Variants in FBXO32 observed in about 807,000 individuals in gnomAD.
FBXO32 encodes the protein F-box protein 32.
FBXO32 carries 15 observed loss-of-function variants against 48.3 expected under a neutral mutation model. The ratio of observed to expected loss-of-function variants is 0.31; its 90% CI spans 0.21 to 0.48. The LOEUF (loss-of-function observed/expected upper bound fraction) is 0.48, where lower values mean the gene tolerates loss of function less well. Ranked by LOEUF, FBXO32 falls within the 20% of genes least tolerant of loss-of-function variation. FBXO32 has a pLI of 0.99. For missense variants in FBXO32, 309 were observed against 432.7 expected (o/e 0.71, Z 2.54); for synonymous variants, 154 against 165.9 (o/e 0.93, Z 0.55).
At position 123,513,439 on chromosome 8, in the gene FBXO32, T is replaced by C; in HGVS notation, c.467-57A>G. On this transcript the variant is annotated intron_variant, in intron 5 of 8. Transcript: ENST00000517956. The surrounding 1 kb of genome is among the most constrained non-coding windows in gnomAD (Gnocchi z 4.3). Reference sequence around the variant, plus strand: ...TATGATACTGGAACACCCTGTATTTTACACATGAGCTTGTCTCTGTCTGTA... The same window carrying C: ...TATGATACTGGAACACCCTGTATTTCACACATGAGCTTGTCTCTGTCTGTA... 1 of 1,418,792 alleles carries C rather than the reference T, an allele frequency of 7.0e-7. No individual in the cohort carries two copies. Among genetic ancestry groups the C allele is most frequent in the Non-Finnish European group, 9.8e-7 (1 of 1,024,944 alleles). 87.9% of individuals were successfully genotyped at this position (1,418,792 alleles called of 1,614,324 possible).
At chr8:123,522,779 C>G (rs754773657) in intron 4 of FBXO32, among the ~76,000 whole-genome samples, 1 of 152,172 alleles carries the variant, frequency 6.6e-6, no homozygotes, top group Non-Finnish European at 1.5e-5. Flanking sequence ...CTGGCCAAAT[C>G]CTGGCCGTCC....
intron 4 of FBXO32, among the ~76,000 whole-genome samples, chr8:123,524,990 A>C (rs1248307773): frequency 6.6e-6 from 1 of 152,252 alleles, no homozygotes; most frequent in African/African-American, 2.4e-5. Context: ...ATCCAAGGTC[A>C]CTGTGGCAGA....
rs1470334544 is a variant in FBXO32, at chr8:123,501,340, T to C, written c.*2033A>G. On this transcript the variant is annotated 3_prime_UTR_variant, in exon 9 of 9. Coordinates refer to ENST00000517956, the MANE Select transcript of FBXO32 (RefSeq NM_058229.4). ...TAGGTCCTGCATTCCCAATGTGAAA[T>C]TGGTTCAGGGGGAGAGGGATTGCAA... 1 of 146,374 alleles carries C rather than the reference T, an allele frequency of 6.8e-6. No individual in the cohort carries two copies. The highest frequency in any genetic ancestry group is 2.0e-4 in the East Asian group (1 of 5,028). 9.1% of individuals were successfully genotyped at this position (146,374 alleles called of 1,614,324 possible). A position where few individuals can be genotyped will look rare whatever the true frequency, so the allele number is the denominator to read the frequency against.
chr8:123,509,770 G>A (rs879852558), intron 6 of FBXO32, among the ~76,000 whole-genome samples: 56 of 152,152 alleles, frequency 3.7e-4, no homozygotes, highest in Non-Finnish European at 7.1e-4. Context: ...GTGGGTTCCA[G>A]TACAGCTCTC....
rs1037602883 is a variant in FBXO32, at chr8:123,513,134, G to C, written c.651+64C>G. ...ACAGGAGTGAATTCAAAGTCTTGGC[G>C]AGTCTGTCCAGTATCCCTGTGGAGG... On this transcript the variant is annotated intron_variant, in intron 6 of 8. Transcript: ENST00000517956. The surrounding 1 kb of genome is among the most constrained non-coding windows in gnomAD (Gnocchi z 4.3). 2 of 1,528,906 alleles carry C rather than the reference G, an allele frequency of 1.3e-6. No homozygotes were observed. Among genetic ancestry groups the C allele is most frequent in the Non-Finnish European group, 1.8e-6 (2 of 1,107,188 alleles). 94.7% of individuals were successfully genotyped at this position (1,528,906 alleles called of 1,614,324 possible). A position where few individuals can be genotyped will look rare whatever the true frequency, so the allele number is the denominator to read the frequency against.
rs1816443942 is a variant in FBXO32, at chr8:123,499,819, T to C, written c.*3554A>G. ...GTAGCAAGCTCCTCATGGGAAAGGG[T>C]ATGTGAATCCACAAAGACGAGAACT... is the stretch of plus-strand genomic sequence containing the variant. On this transcript the variant is annotated 3_prime_UTR_variant, in exon 9 of 9. Transcript: ENST00000517956. The C allele has an allele frequency of 6.6e-6, 1 of 152,080 alleles. No individual in the cohort carries two copies. The highest frequency in any genetic ancestry group is 2.4e-5 in the African/African-American group (1 of 41,390). 9.4% of individuals were successfully genotyped at this position (152,080 alleles called of 1,614,324 possible). A position where few individuals can be genotyped will look rare whatever the true frequency, so the allele number is the denominator to read the frequency against.
chr8:123,534,008 A>C (rs1431209001), intron 2 of FBXO32, among the ~76,000 whole-genome samples: 1 of 151,616 alleles, frequency 6.6e-6, no homozygotes, highest in Non-Finnish European at 1.5e-5. Context: ...CACGAGAATC[A>C]CTTAAACCCA....
intron 1 of FBXO32, among the ~76,000 whole-genome samples, chr8:123,535,466 G>A (rs1817291326): frequency 6.6e-6 from 1 of 152,192 alleles, no homozygotes; most frequent in East Asian, 1.9e-4. Context: ...AACACACTAG[G>A]CATCATGCTG....
chr8:123,526,266 C>T (rs986274235), intron 4 of FBXO32, among the ~76,000 whole-genome samples: 1 of 151,840 alleles, frequency 6.6e-6, no homozygotes, highest in African/African-American at 2.4e-5. Context: ...GCCTCTGTCA[C>T]CCAGGCTGGA....
chr8:123,518,772 CAAATGCTGGAGCCAGGACTTGAGCCCAG>C (rs1280678087), intron 4 of FBXO32, among the ~76,000 whole-genome samples: 4 of 152,170 alleles, frequency 2.6e-5, no homozygotes, highest in African/African-American at 9.7e-5. Flanking sequence ...CCAGCAGTAG[CAAATGCTGGAGCCAGGACTTGAGCCCAG>C]ATATGTCTAA....
chr8:123,540,022 A>G lies in FBXO32; in HGVS notation c.116+877T>C, dbSNP rs28627713. Reference sequence around the variant, plus strand: ...CGTACTAGCCGGCGCTGGCATCGTTAGCCAAGCTGAGCAGGGAGCGCAGCG... The same window carrying G: ...CGTACTAGCCGGCGCTGGCATCGTTGGCCAAGCTGAGCAGGGAGCGCAGCG... On this transcript the variant is annotated intron_variant, in intron 1 of 8. Transcript: ENST00000517956. The surrounding 1 kb of genome is among the most constrained non-coding windows in gnomAD (Gnocchi z 6.4). Among the ~76,000 whole-genome samples the G allele has an allele frequency of 0.13, 20,109 of 152,184 alleles. 1,488 individuals are homozygous for G. Among genetic ancestry groups the G allele is most frequent in the Admixed American group, 0.15 (2,242 of 15,294 alleles).
chr8:123,521,381 C>G lies in FBXO32; in HGVS notation c.373-7048G>C, dbSNP rs184919247. Among the ~76,000 whole-genome samples, 314 of 152,344 alleles carry G rather than the reference C, an allele frequency of 2.1e-3. 5 individuals are homozygous for G. Among genetic ancestry groups the G allele is most frequent in the Non-Finnish European group, 4.7e-4 (32 of 68,042 alleles). ...GGCTCATGATGGCCAAATGACACAT[C>G]AAGGTCAATGGTGGACCATCTGGCT... On this transcript the variant is annotated intron_variant, in intron 4 of 8. Coordinates refer to ENST00000517956, the MANE Select transcript of FBXO32 (RefSeq NM_058229.4).
At chr8:123,517,671 C>T (rs1056798067) in intron 4 of FBXO32, among the ~76,000 whole-genome samples, 1 of 152,166 alleles carries the variant, frequency 6.6e-6, no homozygotes, top group Non-Finnish European at 1.5e-5. Context: ...ATGATCCCTA[C>T]ACTCATGGAG....
rs1586986849 is a variant in FBXO32 at position 123,504,456 on chromosome 8, C to G, written c.978+148G>C. On this transcript the variant is annotated intron_variant, in intron 8 of 8. Transcript: ENST00000517956. The stretch of plus-strand genomic sequence containing the variant: ...TAAAAGTCCTTCCCCCCCACCCTCC[C>G]AGGCACTGAATCAGTTTACCCTCAC... 1.3e-5 allele frequency: 4 copies of G among 308,096 alleles called. 1 individual carries two copies. In the East Asian group the frequency reaches 3.3e-4, roughly 26 times the overall value. 19.1% of individuals were successfully genotyped at this position (308,096 alleles called of 1,614,324 possible).
At chr8:123,514,386 C>T (rs1816797262) in intron 4 of FBXO32, 53 bp from the exon 5 acceptor site, 4 of 1,431,842 alleles carry the variant, frequency 2.8e-6, no homozygotes, top group African/African-American at 1.4e-5. Context: ...TATTTTTCTC[C>T]TCTAATCTTC....
intron 4 of FBXO32, among the ~76,000 whole-genome samples, chr8:123,524,776 C>A (rs529152665): frequency 1.3e-5 from 2 of 152,340 alleles, no homozygotes; most frequent in African/African-American, 4.8e-5. Context: ...CCGTGGCCTC[C>A]CAGAGTGCTC....
intron 3 of FBXO32, 156 bp from the exon 4 acceptor site, chr8:123,532,146 A>G: frequency 7.1e-7 from 1 of 1,416,362 alleles, no homozygotes; most frequent in Non-Finnish European, 9.2e-7. Context: ...CTGTACCCAC[A>G]AGCCCTTGAG....
At position 123,503,063 on chromosome 8, in the gene FBXO32, T is replaced by C. The variant is rs1368551113; in HGVS notation, c.*310A>G. 1 of 204,958 alleles carries C rather than the reference T, an allele frequency of 4.9e-6. No individual in the cohort carries two copies. Among genetic ancestry groups the C allele is most frequent in the African/African-American group, 2.3e-5 (1 of 43,140 alleles). 12.7% of individuals were successfully genotyped at this position (204,958 alleles called of 1,614,324 possible). A position where few individuals can be genotyped will look rare whatever the true frequency, so the allele number is the denominator to read the frequency against. On this transcript the variant is annotated 3_prime_UTR_variant, in exon 9 of 9. Coordinates refer to ENST00000517956, the MANE Select transcript of FBXO32 (RefSeq NM_058229.4). ...AACTATAAGAGAGTTTCTGTGACCA[T>C]TAAGAGGACTCCATTTTCACCGCTG...
chr8:123,509,911 G>A (rs1275839474), intron 6 of FBXO32, among the ~76,000 whole-genome samples: 1 of 152,082 alleles, frequency 6.6e-6, no homozygotes, highest in Non-Finnish European at 1.5e-5. Context: ...TAAGCATGAG[G>A]CATCAGCCAA....
Sources: gnomAD v4.1 joint callset for allele counts (sites outside exome capture counted in the v4.1 genomes callset) on GRCh38, gnomAD v4.1.1 for gene constraint, Gnocchi (gnomAD v3.1) non-coding constraint, MANE v1.5 for transcripts, NCBI Gene and HGNC (gene_info 2026-07-23, HGNC 2026-07-21) for gene names.